The following CILP variants were observed in gnomAD, a reference collection of about 807,000 sequenced individuals.
CILP encodes cartilage intermediate layer protein, also known as cartilage intermediate layer protein 1.
A neutral mutation model predicts 82.5 loss-of-function variants in CILP; 75 were observed. That is an observed-to-expected ratio of 0.91 (90% confidence interval 0.75 to 1.10). The LOEUF is 1.10. CILP is among the 50% of genes least tolerant of loss of function. CILP has a pLI of 0.00. For synonymous variants in CILP, 530 were observed against 580.3 expected, an observed-to-expected ratio of 0.91 and a Z score of 1.25; for missense variants, 1,479 against 1,530.8, an observed-to-expected ratio of 0.97 and a Z score of 0.56.
intron 2 of CILP, 87 bp from the exon 3 acceptor site, chr15:65,207,851 T>C: frequency 8.9e-7 from 1 of 1,122,826 alleles, no homozygotes; most frequent in African/African-American, 1.5e-5. Context: ...TGTGAGGTGG[T>C]GAATGGAGCA....
At position 65,197,534 on chromosome 15, in the gene CILP, C is replaced by T. The variant is rs759697816; in HGVS notation, c.2752G>A (p.Glu918Lys). Residue 918 changes from glutamate (E) to lysine (K), a missense_variant, in exon 9 of 9, where the codon GAG becomes AAG. Coordinates refer to ENST00000261883, the MANE Select transcript of CILP (RefSeq NM_003613.4). ...SAAHFRFYQI[E>K]GDRYDYNTVP... ...GTGTTGTAGTCATATCGATCCCCCT[C>T]AATCTGGTAGAACCGGAAGTGGGCT... is the stretch of plus-strand genomic sequence containing the variant. 4 of 1,614,240 alleles carry T rather than the reference C, an allele frequency of 2.5e-6. No homozygotes were observed. The Admixed American group carries it at 5.0e-5, about 20-fold the overall frequency.
chr15:65,198,654 C>G lies in CILP; in HGVS notation c.1632G>C (p.Arg544Ser), dbSNP rs779404608. Reference protein sequence around the residue: ...TERLVLTFVDRLQKFVNTTKV... With the variant: ...TERLVLTFVDSLQKFVNTTKV... ...TGGTGGTGTTGACAAACTTCTGCAG[C>G]CTGTCCACAAATGTGAGCACCAGCC... The change falls in exon 9 of 9, where the codon AGG becomes AGC. Residue 544 changes from arginine to serine, a missense_variant. Coordinates refer to ENST00000261883, the MANE Select transcript of CILP (RefSeq NM_003613.4). 17 of 1,614,210 alleles carry G rather than the reference C, an allele frequency of 1.1e-5. No homozygotes were observed. The South Asian group carries it at 1.8e-4, about 17-fold the overall frequency.
intron 4 of CILP, 144 bp from the exon 5 acceptor site, chr15:65,205,610 G>T: frequency 1.1e-6 from 1 of 898,866 alleles, no homozygotes; most frequent in Non-Finnish European, 1.6e-6. Flanking sequence ...ATTTACTGCA[G>T]TGATTTTTCC....
At chr15:65,208,802 G>A (rs2088550250) in intron 2 of CILP, among the ~76,000 whole-genome samples, 1 of 152,124 alleles carries the variant, frequency 6.6e-6, no homozygotes, top group Admixed American at 6.5e-5. Flanking sequence ...GCTTAATTGG[G>A]GTGATAGGAG....
chr15:65,207,015 T>C lies in CILP; in HGVS notation c.191A>G (p.Tyr64Cys). 1 of 1,613,872 alleles carries C rather than the reference T, an allele frequency of 6.2e-7. No homozygotes were observed. Residue 64 changes from tyrosine (Y) to cysteine (C), a missense_variant, in exon 4 of 9, where the codon TAC (tyrosine) becomes TGC (cysteine). Coordinates refer to ENST00000261883, the MANE Select transcript of CILP (RefSeq NM_003613.4). ...GEWTTWFNIDYPGGKGDYERL... is the reference protein window; with the variant it reads ...GEWTTWFNIDCPGGKGDYERL... ...CTCATAGTCGCCCTTCCCGCCTGGG[T>C]AGTCGATGTTGAACCATGTTGTCCA... is the stretch of plus-strand genomic sequence containing the variant.
In CILP at chr15:65,203,456, C is replaced by T. The variant is rs199878022; in HGVS notation, c.934G>A (p.Val312Met). 3 of 1,612,386 alleles carry T rather than the reference C, an allele frequency of 1.9e-6. No individual in the cohort carries two copies. Among genetic ancestry groups the T allele is most frequent in the Middle Eastern group, 2.1e-4 (1 of 4,826 alleles). ...EFVRAETPYMVMNPETKARRA... is the reference protein window; with the variant it reads ...EFVRAETPYMMMNPETKARRA... ...CGTGCTTTTGTCTCAGGGTTCATCA[C>T]CATGTATGGAGTCTCTGGGACAGAA... Residue 312 changes from valine (V) to methionine (M), a missense_variant, in exon 7 of 9, where the codon GTG becomes ATG. Physicochemically the swap from Val to Met is conservative, Grantham distance 21. Transcript: ENST00000261883.
At chr15:65,207,565 G>T in intron 3 of CILP, 107 bp downstream of exon 3, 2 of 903,382 alleles carry the variant, frequency 2.2e-6, no homozygotes, top group Non-Finnish European at 3.5e-6. Context: ...GCTTGTAAAA[G>T]TGGGTTTCCA....
chr15:65,208,065 C>G (rs1026520050), intron 2 of CILP, among the ~76,000 whole-genome samples: 1 of 152,192 alleles, frequency 6.6e-6, no homozygotes, highest in African/African-American at 2.4e-5. Context: ...TGGTATCTCC[C>G]TTTTCACTCT....
intron 8 of CILP, 112 bp from the exon 9 acceptor site, chr15:65,199,211 C>G (rs967335284): frequency 2.9e-6 from 2 of 698,274 alleles, no homozygotes; most frequent in Non-Finnish European, 2.3e-6. Context: ...CTTGTATATC[C>G]ATGATTCTCA....
intron 8 of CILP, 64 bp from the exon 9 acceptor site, chr15:65,199,163 A>G (rs1159656352): frequency 2.7e-6 from 3 of 1,130,916 alleles, no homozygotes; most frequent in Non-Finnish European, 3.8e-6. Flanking sequence ...GAGTACCTCA[A>G]CCTCACCTCT....
In CILP at chr15:65,202,031, T is replaced by C; in HGVS notation, c.1029-2A>G. On this transcript the variant is annotated splice_acceptor_variant, in intron 7 of 8. Transcript: ENST00000261883. LOFTEE classifies it high-confidence loss of function. Reference sequence around the variant, plus strand: ...TCCAGCAATGTGTCATTATGATACCTGCAAGGGATGGAGAGGTAGAACCTG... The same window carrying C: ...TCCAGCAATGTGTCATTATGATACCCGCAAGGGATGGAGAGGTAGAACCTG... 1.3e-6 allele frequency: 2 copies of C among 1,572,710 alleles called. No individual in the cohort carries two copies. The highest frequency in any genetic ancestry group is 2.7e-5 in the African/African-American group (2 of 73,146).
At chr15:65,206,124 T>C (rs547366310) in intron 4 of CILP, among the ~76,000 whole-genome samples, 71 of 152,286 alleles carry the variant, frequency 4.7e-4, no homozygotes, top group Admixed American at 1.2e-3. Flanking sequence ...AACACGGACA[T>C]GGTTCAAACC....
intron 7 of CILP, among the ~76,000 whole-genome samples, 152 bp downstream of exon 7, chr15:65,203,209 CA>C (rs1037294748): frequency 3.3e-5 from 5 of 152,168 alleles, no homozygotes; most frequent in African/African-American, 1.2e-4. Flanking sequence ...CCATGGCTCC[CA>C]TTTGTAAGTC....
chr15:65,210,127 G>A (rs1478321390), intron 1 of CILP, among the ~76,000 whole-genome samples: 4 of 152,110 alleles, frequency 2.6e-5, no homozygotes, highest in Admixed American at 2.6e-4. Context: ...GGGCGAGGAG[G>A]TTCCTTGCAA....
chr15:65,198,346 T>G lies in CILP; in HGVS notation c.1940A>C (p.Asp647Ala), dbSNP rs148973916. 1 of 1,614,050 alleles carries G rather than the reference T, an allele frequency of 6.2e-7. No homozygotes were observed. Among genetic ancestry groups the G allele is most frequent in the Non-Finnish European group, 8.5e-7 (1 of 1,180,032 alleles). ...AAQTDLNFIN[D>A]EGDTFPLRTY... ...CCGAAGGGGGAAAGTGTCTCCTTCG[T>G]CATTGATGAAGTTCAGGTCAGTCTG... The change falls in exon 9 of 9, where the codon GAC becomes GCC. Residue 647 changes from aspartate to alanine, a missense_variant. Coordinates refer to ENST00000261883, the MANE Select transcript of CILP (RefSeq NM_003613.4).
At chr15:65,207,888 C>T (rs936423764) in intron 2 of CILP, 124 bp from the exon 3 acceptor site, 23 of 740,518 alleles carry the variant, frequency 3.1e-5, no homozygotes, top group African/African-American at 2.6e-4. Context: ...GTTCAAACCC[C>T]ACTCTGCTAC....
Position 65,197,241 on chromosome 15 carries a change from A to G in CILP, c.3045T>C (p.Tyr1015=), listed in dbSNP as rs746115327. The G allele has an allele frequency of 8.1e-6, 13 of 1,614,038 alleles. No homozygotes were observed. Among genetic ancestry groups the G allele is most frequent in the African/African-American group, 4.0e-5 (3 of 74,926 alleles). Reference sequence around the variant, plus strand: ...GGGTGCGGTCCACACGGTCCTGATCATAGAGCATCCCACTGCACTTGAACT... The same window carrying G: ...GGGTGCGGTCCACACGGTCCTGATCGTAGAGCATCCCACTGCACTTGAACT... ...CLEFKCSGML[Y]DQDRVDRTLV... is the part of the protein sequence containing the mutation. The change falls in exon 9 of 9, where the codon TAT becomes TAC. Residue 1015 remains tyrosine, a synonymous_variant. Transcript: ENST00000261883.
At position 65,200,310 on chromosome 15, in the gene CILP, TGG is replaced by T. The variant is rs538031135; in HGVS notation, c.1187-1213_1187-1212del. Among the ~76,000 whole-genome samples the T allele has an allele frequency of 5.0e-3, 756 of 152,338 alleles. 3 individuals carry two copies. The highest frequency in any genetic ancestry group is 0.012 in the Admixed American group (186 of 15,288). On this transcript the variant is annotated intron_variant, in intron 8 of 8. Coordinates refer to ENST00000261883, the MANE Select transcript of CILP (RefSeq NM_003613.4). The stretch of plus-strand genomic sequence containing the variant: ...TAGCAAAGAGGGAGCCTTGGTGTGA[TGG>T]GTTGGGACCACTGCTGAGGGCTCCA...
chr15:65,197,365 C>G lies in CILP; in HGVS notation c.2921G>C (p.Gly974Ala). Residue 974 changes from glycine to alanine, a missense_variant, in exon 9 of 9, where the codon GGG becomes GCG. Gly to Ala is a moderately conservative substitution (Grantham distance 60). Transcript: ENST00000261883. ...CCCCACTGTCTGCCGATGAGTGCCC[C>G]CCATGTTGCGGGATCGCACATTCAC... ...LEVNVRSRNM[G>A]GTHRQTVGKL... 1 of 1,614,254 alleles carries G rather than the reference C, an allele frequency of 6.2e-7. No homozygotes were observed. The highest frequency in any genetic ancestry group is 2.2e-5 in the East Asian group (1 of 44,892).
Sources: allele counts gnomAD v4.1 joint callset (sites outside exome capture counted in the v4.1 genomes callset), GRCh38; gene constraint gnomAD v4.1.1; transcripts MANE v1.5; gene names NCBI Gene and HGNC (gene_info 2026-07-23, HGNC 2026-07-21).